The following CDH13 variants were observed in gnomAD, a reference collection of about 807,000 sequenced individuals.
CDH13 encodes cadherin-13.
CDH13 carries 24 observed loss-of-function variants against 63.8 expected under a neutral mutation model. The ratio of observed to expected loss-of-function variants is 0.38; its 90% confidence interval spans 0.27 to 0.53. CDH13 has a LOEUF of 0.53. Ranked by LOEUF, CDH13 falls within the 20% of genes least tolerant of loss-of-function variation. The probability of loss-of-function intolerance (pLI) is 0.85; values close to 1 mark genes in which losing one functional copy is unlikely to be tolerated. For missense variants in CDH13, 1,049 were observed against 903.1 expected (o/e 1.16, Z -2.07); for synonymous variants, 503 against 355.3 (o/e 1.42, Z -4.67).
At chr16:83,411,102 C>T (rs970788649) in intron 6 of CDH13, among the ~76,000 whole-genome samples, 1 of 152,226 alleles carries the variant, frequency 6.6e-6, no homozygotes, top group Non-Finnish European at 1.5e-5. Flanking sequence ...TTTACATCCT[C>T]CAGACAGATA....
chr16:83,741,442 T>C (rs1409131908), intron 10 of CDH13, among the ~76,000 whole-genome samples: 1 of 152,098 alleles, frequency 6.6e-6, no homozygotes, highest in East Asian at 1.9e-4. Flanking sequence ...TTTTATTTTC[T>C]ACGTTTCTCA....
intron 2 of CDH13, among the ~76,000 whole-genome samples, chr16:83,021,541 C>G (rs917630632): frequency 9.2e-5 from 14 of 152,136 alleles, no homozygotes; most frequent in African/African-American, 3.4e-4. Context: ...TGTCTTTTTC[C>G]AAGAGGAAGC....
At chr16:82,923,082 A>C (rs1249242008) in intron 2 of CDH13, among the ~76,000 whole-genome samples, 1 of 152,224 alleles carries the variant, frequency 6.6e-6, no homozygotes, top group African/African-American at 2.4e-5. Context: ...ATAGAGACTC[A>C]AAGAACACAT....
chr16:83,559,657 G>T (rs1191710024), intron 7 of CDH13, among the ~76,000 whole-genome samples: 1 of 151,936 alleles, frequency 6.6e-6, no homozygotes, highest in South Asian at 2.1e-4. Context: ...GAGGGAGCGA[G>T]GGAAGGAAAA....
Position 83,457,214 on chromosome 16 carries a change from C to T in CDH13, c.782-29263C>T, listed in dbSNP as rs532015905. ...GGGTAATAAGAGCACTGACACCTTA[C>T]GGTTGTTTTGGGGATTAGACCCAAG... is the stretch of plus-strand genomic sequence containing the variant. On this transcript the variant is annotated intron_variant, in intron 6 of 13. Transcript: ENST00000567109. Among the ~76,000 whole-genome samples the T allele has an allele frequency of 4.6e-5, 7 of 152,274 alleles. No homozygotes were observed. In the East Asian group the frequency reaches 7.7e-4, roughly 17 times the overall value.
intron 3 of CDH13, among the ~76,000 whole-genome samples, chr16:83,032,618 G>T (rs141957725): frequency 3.9e-5 from 6 of 152,170 alleles, no homozygotes; most frequent in African/African-American, 1.2e-4. Flanking sequence ...GTCTGAAGTC[G>T]CCTGAGAAAG....
rs34550866 is a variant in CDH13, at chr16:83,794,626, C to CATAT, written c.2135-383_2135-380dup. ...CTGTGACTTGTGATCCTTAAGTCAA[C>CATAT]ATATATATATATATATAGTCACAGG... On this transcript the variant is annotated intron_variant, in intron 13 of 13. Coordinates refer to ENST00000567109, the MANE Select transcript of CDH13 (RefSeq NM_001257.5). 8.8e-3 allele frequency among the ~76,000 whole-genome samples: 1,315 copies of CATAT among 149,180 alleles called. 9 individuals are homozygous for CATAT. The highest frequency in any genetic ancestry group is 0.014 in the Middle Eastern group (4 of 288).
intron 5 of CDH13, among the ~76,000 whole-genome samples, chr16:83,327,429 C>G (rs774436382): frequency 2.0e-5 from 3 of 152,164 alleles, no homozygotes; most frequent in Non-Finnish European, 2.9e-5. Context: ...GTCTATTGAT[C>G]TGTCCTCCAG....
intron 1 of CDH13, among the ~76,000 whole-genome samples, chr16:82,836,505 G>A (rs528085417): frequency 1.4e-4 from 21 of 152,174 alleles, no homozygotes; most frequent in African/African-American, 3.9e-4. Flanking sequence ...CTAAAATTAC[G>A]TGATATGCCA....
chr16:83,371,061 A>G (rs138246976), intron 6 of CDH13, among the ~76,000 whole-genome samples: 10 of 152,386 alleles, frequency 6.6e-5, no homozygotes, highest in African/African-American at 2.2e-4. Context: ...TGCAGAAAAA[A>G]AGGGAACATT....
At chr16:83,058,072 A>T (rs2031133432) in intron 3 of CDH13, among the ~76,000 whole-genome samples, 1 of 152,244 alleles carries the variant, frequency 6.6e-6, no homozygotes, top group Non-Finnish European at 1.5e-5. Context: ...AAACTATGAA[A>T]TCTTCACTAT....
intron 6 of CDH13, among the ~76,000 whole-genome samples, chr16:83,450,021 C>T (rs1389594500): frequency 1.3e-5 from 2 of 152,222 alleles, no homozygotes; most frequent in African/African-American, 4.8e-5. Context: ...GCCCCGACCC[C>T]GGGCCCAGCT....
At chr16:83,743,819 A>G (rs983507083) in intron 10 of CDH13, among the ~76,000 whole-genome samples, 1 of 133,246 alleles carries the variant, frequency 7.5e-6, no homozygotes, top group Non-Finnish European at 1.5e-5. Flanking sequence ...AAAAGATGTA[A>G]TAAACCTTTA....
At chr16:83,539,694 ATAGGTACTG>A (rs921563684) in intron 7 of CDH13, among the ~76,000 whole-genome samples, 2 of 152,214 alleles carry the variant, frequency 1.3e-5, no homozygotes, top group African/African-American at 4.8e-5. Context: ...ACTTCACGAA[ATAGGTACTG>A]TAATTATTCC....
chr16:83,528,041 G>A (rs1392721748), intron 7 of CDH13, among the ~76,000 whole-genome samples: 1 of 152,162 alleles, frequency 6.6e-6, no homozygotes, highest in Non-Finnish European at 1.5e-5. Context: ...AGTTCCCACA[G>A]AGCTGATAAT....
chr16:82,754,701 C>T (rs746598), intron 1 of CDH13, among the ~76,000 whole-genome samples: 7,273 of 152,194 alleles, frequency 0.048, 183 homozygotes, highest in Middle Eastern at 0.058. Flanking sequence ...CCTTTTGTTA[C>T]GATGATTATA....
chr16:83,157,568 T>G (rs760761207), intron 4 of CDH13, among the ~76,000 whole-genome samples: 1 of 152,092 alleles, frequency 6.6e-6, no homozygotes, highest in Non-Finnish European at 1.5e-5. Flanking sequence ...CAAAAGGACC[T>G]AGCAGGAAAA....
intron 1 of CDH13, among the ~76,000 whole-genome samples, chr16:82,690,046 T>C (rs1597331161): frequency 8.2e-6 from 1 of 122,276 alleles, no homozygotes; most frequent in African/African-American, 3.2e-5. Context: ...TGCATGCCTG[T>C]AATCTCAGCT....
At chr16:83,145,463 G>A (rs762959965) in intron 4 of CDH13, among the ~76,000 whole-genome samples, 1 of 152,188 alleles carries the variant, frequency 6.6e-6, no homozygotes, top group South Asian at 2.1e-4. Context: ...CATGAGGACT[G>A]TTGCCGTTAT....
Sources: gnomAD v4.1 joint callset for allele counts (sites outside exome capture counted in the v4.1 genomes callset) on GRCh38, gnomAD v4.1.1 for gene constraint, MANE v1.5 for transcripts, NCBI Gene and HGNC (gene_info 2026-07-23, HGNC 2026-07-21) for gene names.